LRP1B: variants seen among roughly 807,000 people sequenced by gnomAD.
LRP1B encodes low-density lipoprotein receptor-related protein 1B.
In LRP1B, 217 loss-of-function variants were observed where a neutral mutation model predicts 556.6. The observed-to-expected ratio is 0.39, with a 90% CI of 0.35 to 0.44. The LOEUF (loss-of-function observed/expected upper bound fraction) is 0.44. LRP1B is among the 20% of genes least tolerant of loss of function. The pLI is 1.00. For missense variants in LRP1B, 5,053 were observed against 5,620.8 expected, an observed-to-expected ratio of 0.90 and a Z score of 3.23; for synonymous variants, 2,047 against 1,865.8, an observed-to-expected ratio of 1.10 and a Z score of -2.50.
intron 37 of LRP1B, among the ~76,000 whole-genome samples, chr2:140,706,760 T>C (rs1686852546): frequency 6.6e-6 from 1 of 152,140 alleles, no homozygotes; most frequent in Admixed American, 6.6e-5. Flanking sequence ...TAATTGTATT[T>C]GTCTTCTGAC....
chr2:141,566,693 T>G (rs980957102), intron 2 of LRP1B, among the ~76,000 whole-genome samples: 1 of 152,180 alleles, frequency 6.6e-6, no homozygotes, highest in Non-Finnish European at 1.5e-5. Context: ...GTATTCTTAC[T>G]GATTATAAAT....
intron 41 of LRP1B, among the ~76,000 whole-genome samples, chr2:140,683,084 C>G (rs1306061901): frequency 6.6e-6 from 1 of 152,132 alleles, no homozygotes; most frequent in Non-Finnish European, 1.5e-5. Context: ...GCAGACTACG[C>G]TGATGCAAAA....
At chr2:140,239,363 A>T in intron 88 of LRP1B, 79 bp downstream of exon 88, 1 of 911,210 alleles carries the variant, frequency 1.1e-6, no homozygotes, top group Non-Finnish European at 1.7e-6. Context: ...GTTTAAAAAA[A>T]TTAACAACAA....
At chr2:141,009,709 G>A (rs940103828) in intron 14 of LRP1B, among the ~76,000 whole-genome samples, 2 of 151,822 alleles carry the variant, frequency 1.3e-5, no homozygotes, top group African/African-American at 2.4e-5. Context: ...CTAAATCCTG[G>A]ATTCTATAAA....
chr2:140,529,746 G>C (rs1194977924), intron 47 of LRP1B, among the ~76,000 whole-genome samples: 1 of 151,916 alleles, frequency 6.6e-6, no homozygotes, highest in African/African-American at 2.4e-5. Flanking sequence ...ACTTCCCAAA[G>C]GGAGCAGTCT....
At chr2:140,643,093 T>A (rs1394073947) in intron 41 of LRP1B, among the ~76,000 whole-genome samples, 1 of 152,192 alleles carries the variant, frequency 6.6e-6, no homozygotes, top group Non-Finnish European at 1.5e-5. Flanking sequence ...AATTTCAGAT[T>A]TAATTAAAGC....
Position 141,077,937 on chromosome 2 carries a change from CTA to C in LRP1B, c.1014-15666_1014-15665del, listed in dbSNP as rs370235231. On this transcript the variant is annotated intron_variant, in intron 7 of 90. Coordinates refer to ENST00000389484, the MANE Select transcript of LRP1B (RefSeq NM_018557.3). The stretch of plus-strand genomic sequence containing the variant: ...ATTTGGGTAAAACTCCAATCTGAGT[CTA>C]TCTCAGAACTTGAGAGCTTCAGGTA... 2.1e-3 allele frequency among the ~76,000 whole-genome samples: 319 copies of C among 150,868 alleles called. 1 individual carries two copies. The highest frequency in any genetic ancestry group is 7.5e-3 in the African/African-American group (308 of 41,172).
chr2:141,529,845 A>C (rs1684810256), intron 2 of LRP1B, among the ~76,000 whole-genome samples: 2 of 152,114 alleles, frequency 1.3e-5, no homozygotes, highest in African/African-American at 4.8e-5. Context: ...CAGCTTGCTG[A>C]ATATAAACAA....
chr2:140,420,925 A>AC (rs1685413430), intron 66 of LRP1B, among the ~76,000 whole-genome samples: 1 of 152,140 alleles, frequency 6.6e-6, no homozygotes, highest in African/African-American at 2.4e-5. Context: ...GGTATATACA[A>AC]CTTTTAAAAC....
chr2:140,690,172 C>T (rs1686188341), intron 41 of LRP1B, among the ~76,000 whole-genome samples: 1 of 151,922 alleles, frequency 6.6e-6, no homozygotes, highest in Admixed American at 6.6e-5. Flanking sequence ...AAGAAAGCAC[C>T]GAGAAGAATC....
Position 141,707,632 on chromosome 2 carries a change from T to G in LRP1B, c.205+102647A>C, listed in dbSNP as rs188765171. On this transcript the variant is annotated intron_variant, in intron 2 of 90. Coordinates refer to ENST00000389484, the MANE Select transcript of LRP1B (RefSeq NM_018557.3). ...TGAAAATACATGTTCTTTATGTTCTTTGGTCAAAACAAATTTATTCAGTGT... is the reference window on the plus strand; with the variant it reads ...TGAAAATACATGTTCTTTATGTTCTGTGGTCAAAACAAATTTATTCAGTGT... 4.1e-3 allele frequency among the ~76,000 whole-genome samples: 620 copies of G among 152,262 alleles called. 4 individuals are homozygous for G. Among genetic ancestry groups the G allele is most frequent in the African/African-American group, 0.014 (588 of 41,550 alleles).
chr2:142,108,610 G>A (rs1706845355), intron 1 of LRP1B, among the ~76,000 whole-genome samples: 1 of 152,076 alleles, frequency 6.6e-6, no homozygotes. Flanking sequence ...GTGAAATATA[G>A]GCTTCATGAA....
intron 66 of LRP1B, among the ~76,000 whole-genome samples, chr2:140,433,498 G>A (rs1485441802): frequency 6.6e-6 from 1 of 152,090 alleles, no homozygotes; most frequent in Non-Finnish European, 1.5e-5. Context: ...TTTTCATTGA[G>A]CCTGCCGCTC....
At chr2:141,044,847 T>C (rs1456410928) in intron 11 of LRP1B, among the ~76,000 whole-genome samples, 2 of 151,222 alleles carry the variant, frequency 1.3e-5, no homozygotes, top group Non-Finnish European at 3.0e-5. Flanking sequence ...TCAACCATTG[T>C]GGAAGTCAGT....
At chr2:140,264,841 G>A (rs1310475511) in intron 86 of LRP1B, among the ~76,000 whole-genome samples, 1 of 151,972 alleles carries the variant, frequency 6.6e-6, no homozygotes, top group African/African-American at 2.4e-5. Flanking sequence ...AGGGATACCT[G>A]AGTTGAGATT....
At chr2:140,996,144 A>C (rs1447491429) in intron 15 of LRP1B, among the ~76,000 whole-genome samples, 2 of 151,974 alleles carry the variant, frequency 1.3e-5, no homozygotes, top group African/African-American at 4.8e-5. Flanking sequence ...TAGATTCTTC[A>C]TTGTTCTTGA....
chr2:141,972,949 T>A (rs1347207421), intron 1 of LRP1B, among the ~76,000 whole-genome samples: 1 of 151,658 alleles, frequency 6.6e-6, no homozygotes, highest in Non-Finnish European at 1.5e-5. Flanking sequence ...TTAATGAATG[T>A]ATCAAATAAT....
chr2:140,444,700 A>T (rs2105305365), intron 63 of LRP1B, 21 bp from the exon 64 acceptor site: 3 of 1,458,832 alleles, frequency 2.1e-6, no homozygotes, highest in Non-Finnish European at 9.6e-7. Context: ...AAGCATAGAT[A>T]TTGTGGAATG....
chr2:141,641,609 T>C (rs899920012), intron 2 of LRP1B, among the ~76,000 whole-genome samples: 4 of 152,146 alleles, frequency 2.6e-5, no homozygotes, highest in African/African-American at 7.2e-5. Context: ...AGCAGTTAAC[T>C]GTCTTCCAGT....
Sources: allele counts gnomAD v4.1 joint callset (sites outside exome capture counted in the v4.1 genomes callset), GRCh38; gene constraint gnomAD v4.1.1; transcripts MANE v1.5; gene names NCBI Gene and HGNC (gene_info 2026-07-23, HGNC 2026-07-21).